The following PDE4D variants were observed in gnomAD, a reference collection of about 807,000 sequenced individuals.
PDE4D encodes phosphodiesterase 4D.
Under a neutral mutation model 87.4 loss-of-function variants are expected in PDE4D, and 24 were observed. The ratio of observed to expected loss-of-function variants is 0.27; its 90% CI spans 0.20 to 0.39. The LOEUF is 0.39. PDE4D is among the 10% of genes least tolerant of loss of function. The pLI, the probability that PDE4D is intolerant of heterozygous loss-of-function variation, is 1.00. For missense variants in PDE4D, 714 were observed against 1,041.0 expected (o/e 0.69, Z 4.32); for synonymous variants, 384 against 383.2 (o/e 1.00, Z -0.02).
intron 1 of PDE4D, among the ~76,000 whole-genome samples, chr5:59,794,936 G>C (rs994686665): frequency 5.9e-5 from 9 of 152,168 alleles, no homozygotes; most frequent in African/African-American, 2.2e-4. Context: ...GTGGATCCTG[G>C]AGAGAAGCTG....
intron 1 of PDE4D, among the ~76,000 whole-genome samples, chr5:60,294,304 T>C (rs1753185346): frequency 6.6e-6 from 1 of 152,226 alleles, no homozygotes; most frequent in Non-Finnish European, 1.5e-5. Flanking sequence ...CTTATTAATG[T>C]AGATGTGCTT....
chr5:59,078,017 G>A (rs1050810192), intron 5 of PDE4D, among the ~76,000 whole-genome samples: 7 of 152,088 alleles, frequency 4.6e-5, no homozygotes, highest in Admixed American at 4.6e-4. Flanking sequence ...TGAATATTCT[G>A]TGCTCCAGAA....
chr5:59,861,027 T>C (rs1462339061), intron 1 of PDE4D, among the ~76,000 whole-genome samples: 1 of 86,704 alleles, frequency 1.2e-5, no homozygotes, highest in East Asian at 2.3e-4. Flanking sequence ...ACCTAGATAA[T>C]TTTTTTTTTT....
intron 1 of PDE4D, among the ~76,000 whole-genome samples, chr5:59,423,020 T>C (rs191524633): frequency 6.6e-6 from 1 of 152,342 alleles, no homozygotes; most frequent in East Asian, 1.9e-4. Context: ...AATAATCACT[T>C]GTTTCTCTCC....
At chr5:60,216,826 A>G (rs1315598852) in intron 1 of PDE4D, among the ~76,000 whole-genome samples, 1 of 152,104 alleles carries the variant, frequency 6.6e-6, no homozygotes, top group African/African-American at 2.4e-5. Flanking sequence ...AAAAATAGAC[A>G]GTTCTATAAT....
intron 1 of PDE4D, among the ~76,000 whole-genome samples, chr5:60,465,020 G>T (rs1481165944): frequency 2.0e-5 from 3 of 151,956 alleles, no homozygotes; most frequent in African/African-American, 2.4e-5. Context: ...GAGGCGGGAG[G>T]ATTGTTTGAA....
intron 2 of PDE4D, among the ~76,000 whole-genome samples, chr5:59,206,092 G>C (rs577168157): frequency 3.2e-4 from 49 of 152,252 alleles, no homozygotes; most frequent in East Asian, 1.7e-3. Context: ...CTTGACCCAA[G>C]GTTAGGAAAA....
chr5:59,816,189 T>C (rs1297813602), intron 1 of PDE4D, among the ~76,000 whole-genome samples: 1 of 152,244 alleles, frequency 6.6e-6, no homozygotes, highest in East Asian at 1.9e-4. Flanking sequence ...GTACTTGGAA[T>C]GTATGTAAAC....
intron 5 of PDE4D, among the ~76,000 whole-genome samples, chr5:59,152,968 C>T (rs2153460982): frequency 6.6e-6 from 1 of 152,080 alleles, no homozygotes; most frequent in African/African-American, 2.4e-5. Context: ...GAAGTTAGGG[C>T]AGATAAAGTA....
At chr5:59,580,128 C>T (rs1823846573) in intron 1 of PDE4D, among the ~76,000 whole-genome samples, 1 of 152,154 alleles carries the variant, frequency 6.6e-6, no homozygotes, top group Non-Finnish European at 1.5e-5. Context: ...GATCCATAAA[C>T]AAGAGTGCTA....
At chr5:59,772,587 AAAAAGTGTG>A (rs767270390) in intron 1 of PDE4D, among the ~76,000 whole-genome samples, 15 of 152,220 alleles carry the variant, frequency 9.9e-5, no homozygotes, top group Non-Finnish European at 2.2e-4. Flanking sequence ...GTTCTGACAC[AAAAAGTGTG>A]CTTTTGTCTA....
chr5:59,934,514 C>T (rs976428630), intron 3 of PDE4D, among the ~76,000 whole-genome samples: 27 of 152,176 alleles, frequency 1.8e-4, no homozygotes, highest in African/African-American at 6.0e-4. Flanking sequence ...TTATTACTGA[C>T]AACAACCTGC....
chr5:59,498,025 A>T lies in PDE4D; in HGVS notation c.456-282057T>A, dbSNP rs113820908. ...AAGAGATTGGGGGACTATTTTTAGC[A>T]TTTTTAAAGAAAAAAAATGCCAACC... On this transcript the variant is annotated intron_variant, in intron 1 of 14. Transcript: ENST00000340635. Among the ~76,000 whole-genome samples the T allele has an allele frequency of 1.9e-3, 292 of 152,182 alleles. 3 individuals are homozygous for T. The highest frequency in any genetic ancestry group is 6.8e-3 in the African/African-American group (282 of 41,524).
intron 2 of PDE4D, among the ~76,000 whole-genome samples, chr5:60,008,892 G>A (rs900025710): frequency 6.6e-6 from 1 of 151,740 alleles, no homozygotes; most frequent in African/African-American, 2.4e-5. Flanking sequence ...CTCCCATTTA[G>A]TCTGTCAAGT....
intron 1 of PDE4D, among the ~76,000 whole-genome samples, chr5:59,290,654 T>A (rs1050116751): frequency 4.0e-5 from 6 of 151,892 alleles, no homozygotes; most frequent in Non-Finnish European, 4.4e-5. Context: ...ACAACCCACA[T>A]AATGGGAGGA....
At chr5:60,287,441 G>A (rs1482357521) in intron 1 of PDE4D, among the ~76,000 whole-genome samples, 2 of 152,200 alleles carry the variant, frequency 1.3e-5, no homozygotes, top group Non-Finnish European at 2.9e-5. Context: ...TTCCTCTACT[G>A]CGGGAAGGCT....
At chr5:59,802,240 A>T (rs966947737) in intron 1 of PDE4D, among the ~76,000 whole-genome samples, 132 of 150,192 alleles carry the variant, frequency 8.8e-4, no homozygotes, top group African/African-American at 3.1e-3. Flanking sequence ...TTTTGTTTTC[A>T]TTTTTTTTTT....
At chr5:59,215,725 C>A (rs1251296854) in intron 2 of PDE4D, 52 bp downstream of exon 2, 1 of 1,462,070 alleles carries the variant, frequency 6.8e-7, no homozygotes, top group Non-Finnish European at 9.6e-7. Flanking sequence ...GTCATCAGCT[C>A]TAGATATAAA....
At chr5:59,094,140 C>T (rs1769246241) in intron 5 of PDE4D, among the ~76,000 whole-genome samples, 1 of 143,564 alleles carries the variant, frequency 7.0e-6, no homozygotes, top group African/African-American at 2.6e-5. Flanking sequence ...ATTGCTTGAA[C>T]CTGGGAGGCA....
Sources: gnomAD v4.1 joint callset for allele counts (sites outside exome capture counted in the v4.1 genomes callset) on GRCh38, gnomAD v4.1.1 for gene constraint, MANE v1.5 for transcripts, NCBI Gene and HGNC (gene_info 2026-07-23, HGNC 2026-07-21) for gene names.